NBEA: variants seen among roughly 807,000 people sequenced by gnomAD.
NBEA encodes the protein lysosomal-trafficking regulator 2.
Under a neutral mutation model 343.4 loss-of-function variants are expected in NBEA, and 44 were observed. That is an observed-to-expected ratio of 0.13 (90% confidence interval 0.10 to 0.16). The LOEUF is 0.16. NBEA is among the 10% of genes least tolerant of loss of function. NBEA has a pLI of 1.00. For missense variants in NBEA, 2,555 were observed against 3,631.3 expected (o/e 0.70, Z 7.62); for synonymous variants, 1,175 against 1,238.7 (o/e 0.95, Z 1.08).
chr13:35,196,060 A>T lies in NBEA; in HGVS notation c.5124A>T (p.Ser1708=), dbSNP rs373793307. The T allele has an allele frequency of 1.7e-5, 28 of 1,613,540 alleles. No homozygotes were observed. The South Asian group carries it at 2.7e-4, about 16-fold the overall frequency. Residue 1708 remains serine (S), a synonymous_variant, in exon 31 of 59, where the codon TCA becomes TCT. Transcript: ENST00000379939. ...DAMSELLSTL[S]SEVKKSQESL... ...TGAGTGAACTCTTATCCACTTTGTC[A>T]TCCGAAGTGAAGAAATCACAAGAGA...
intron 1 of NBEA, among the ~76,000 whole-genome samples, chr13:34,989,294 CACATT>C (rs749312776): frequency 6.6e-6 from 1 of 151,014 alleles, no homozygotes; most frequent in South Asian, 2.1e-4. Context: ...AGTCTGTTCT[CACATT>C]ACTATAAGTA....
At chr13:35,491,060 T>A (rs115738819) in intron 41 of NBEA, among the ~76,000 whole-genome samples, 1,607 of 152,058 alleles carry the variant, frequency 0.011, 35 homozygotes, top group African/African-American at 0.037. Context: ...TTTTTAAACT[T>A]ATATTACCCA....
intron 48 of NBEA, among the ~76,000 whole-genome samples, chr13:35,625,441 A>G (rs2083182367): frequency 6.6e-6 from 1 of 151,960 alleles, no homozygotes; most frequent in African/African-American, 2.4e-5. Flanking sequence ...ACATGGCGAA[A>G]CCCTGTCCCT....
intron 34 of NBEA, among the ~76,000 whole-genome samples, chr13:35,277,622 CAAAAAA>C (rs10603160): frequency 1.2e-4 from 6 of 49,902 alleles, no homozygotes; most frequent in African/African-American, 3.1e-4. Context: ...ACTCCGTCTC[CAAAAAA>C]AAAAAAAAAA....
intron 34 of NBEA, among the ~76,000 whole-genome samples, chr13:35,248,251 A>G (rs1185049461): frequency 1.3e-5 from 2 of 152,242 alleles, no homozygotes; most frequent in African/African-American, 4.8e-5. Flanking sequence ...TAAAAGGATT[A>G]TATACCATAA....
chr13:34,991,129 C>T (rs58023138), intron 1 of NBEA, among the ~76,000 whole-genome samples: 11,715 of 152,258 alleles, frequency 0.077, 547 homozygotes, highest in African/African-American at 0.11. Flanking sequence ...AGTTCCAAAC[C>T]TTCCTTGGTC....
chr13:35,134,008 A>G (rs973371449), intron 17 of NBEA, among the ~76,000 whole-genome samples: 3 of 152,042 alleles, frequency 2.0e-5, no homozygotes, highest in African/African-American at 4.8e-5. Flanking sequence ...ATCAGATGGG[A>G]TTTGAAAGCC....
intron 1 of NBEA, among the ~76,000 whole-genome samples, chr13:34,982,151 CTG>C (rs1288431451): frequency 2.0e-5 from 3 of 152,030 alleles, no homozygotes; most frequent in African/African-American, 7.2e-5. Flanking sequence ...TGAGGTGAAA[CTG>C]TGGGTCAATA....
chr13:35,471,952 C>A (rs918852709), intron 40 of NBEA, among the ~76,000 whole-genome samples: 12 of 152,172 alleles, frequency 7.9e-5, no homozygotes, highest in Non-Finnish European at 1.0e-4. Flanking sequence ...GCCCCCTTCT[C>A]GTCCTCTCGC....
intron 1 of NBEA, among the ~76,000 whole-genome samples, chr13:34,985,676 T>C (rs1261268756): frequency 6.6e-6 from 1 of 150,934 alleles, no homozygotes; most frequent in Non-Finnish European, 1.5e-5. Flanking sequence ...TCCTGGACTT[T>C]TTTTGGTTGG....
rs116832808 is a variant in NBEA, at chr13:35,666,479, G to A, written c.8465-895G>A. Among the ~76,000 whole-genome samples, 1,238 of 151,578 alleles carry A rather than the reference G, an allele frequency of 8.2e-3. 15 individuals are homozygous for A. Among genetic ancestry groups the A allele is most frequent in the African/African-American group, 0.028 (1,159 of 41,336 alleles). On this transcript the variant is annotated intron_variant, in intron 56 of 58. Coordinates refer to ENST00000379939, the MANE Select transcript of NBEA (RefSeq NM_001385012.1). ...CCAAGAAAGAGACATTTCCTGCAGG[G>A]GCTGTGTGATATTAGAGATGATTGC... is the stretch of plus-strand genomic sequence containing the variant.
Position 35,156,275 on chromosome 13 carries a change from A to G in NBEA, c.2651+69A>G, listed in dbSNP as rs561595760. ...ATATTTTCTCTCTTTTAGATTTTCA[A>G]TTCATTTCAAATCTTTTCCATATTG... On this transcript the variant is annotated intron_variant, in intron 20 of 58. Coordinates refer to ENST00000379939, the MANE Select transcript of NBEA (RefSeq NM_001385012.1). The G allele has an allele frequency of 3.8e-4, 530 of 1,396,472 alleles. 1 individual carries two copies. The African/African-American group carries it at 6.9e-3, about 18-fold the overall frequency. The allele number at this position is 1,396,472 out of a possible 1,614,324, so 86.5% of individuals were successfully genotyped here. A position where few individuals can be genotyped will look rare whatever the true frequency, so the allele number is the denominator to read the frequency against.
intron 36 of NBEA, among the ~76,000 whole-genome samples, chr13:35,313,587 C>G (rs979293667): frequency 6.6e-6 from 1 of 152,170 alleles, no homozygotes; most frequent in African/African-American, 2.4e-5. Flanking sequence ...CTCATCCAAA[C>G]TTAATGCTGG....
At chr13:35,085,089 T>C (rs1404904034) in intron 10 of NBEA, among the ~76,000 whole-genome samples, 2 of 151,922 alleles carry the variant, frequency 1.3e-5, no homozygotes, top group African/African-American at 4.8e-5. Flanking sequence ...AGGCAATAAT[T>C]AATAGCTTAC....
At chr13:35,445,793 T>C (rs1470684738) in intron 39 of NBEA, among the ~76,000 whole-genome samples, 1 of 78,738 alleles carries the variant, frequency 1.3e-5, no homozygotes, top group Non-Finnish European at 2.4e-5. Flanking sequence ...TATATATATA[T>C]ATATATATAT....
chr13:35,134,993 A>G (rs2067637911), intron 17 of NBEA, among the ~76,000 whole-genome samples: 1 of 152,000 alleles, frequency 6.6e-6, no homozygotes, highest in Non-Finnish European at 1.5e-5. Context: ...TATATATTTT[A>G]TGTGTTCATT....
chr13:34,988,598 G>A (rs73492328), intron 1 of NBEA, among the ~76,000 whole-genome samples: 2,446 of 151,110 alleles, frequency 0.016, 95 homozygotes, highest in African/African-American at 0.05. Flanking sequence ...GGGATCCGCC[G>A]AGCCAGACAT....
chr13:34,956,363 A>G (rs2059491370), intron 1 of NBEA, among the ~76,000 whole-genome samples: 1 of 151,690 alleles, frequency 6.6e-6, no homozygotes, highest in Non-Finnish European at 1.5e-5. Context: ...GCAAAAAAAC[A>G]ATGGTTTTGA....
chr13:35,356,387 G>A (rs931040689), intron 38 of NBEA, among the ~76,000 whole-genome samples: 2 of 152,066 alleles, frequency 1.3e-5, no homozygotes, highest in Non-Finnish European at 2.9e-5. Context: ...TTTGAATGCT[G>A]TTTATTCTGT....
Sources: gnomAD v4.1 joint callset for allele counts (sites outside exome capture counted in the v4.1 genomes callset) on GRCh38, gnomAD v4.1.1 for gene constraint, MANE v1.5 for transcripts, NCBI Gene and HGNC (gene_info 2026-07-23, HGNC 2026-07-21) for gene names.